CDK5RAP2: variants seen among roughly 807,000 people sequenced by gnomAD.
CDK5RAP2 encodes CDK5 regulatory subunit associated protein 2.
CDK5RAP2 carries 147 observed loss-of-function variants against 232.9 expected under a neutral mutation model. The observed-to-expected ratio is 0.63, with a 90% CI of 0.55 to 0.72. The LOEUF is 0.72. Ranked by LOEUF, CDK5RAP2 falls within the 30% of genes least tolerant of loss-of-function variation. CDK5RAP2 has a pLI of 0.00. For missense variants in CDK5RAP2, 2,195 were observed against 2,231.5 expected, an observed-to-expected ratio of 0.98 and a Z score of 0.33; for synonymous variants, 833 against 833.7, an observed-to-expected ratio of 1.00 and a Z score of 0.01.
At chr9:120,481,561 A>G (rs1588449392) in intron 14 of CDK5RAP2, among the ~76,000 whole-genome samples, 1 of 129,982 alleles carries the variant, frequency 7.7e-6, no homozygotes, top group Non-Finnish European at 1.5e-5. Context: ...CTCCCAGGCT[A>G]GAGTGCAGTG....
intron 5 of CDK5RAP2, among the ~76,000 whole-genome samples, chr9:120,540,075 T>C (rs2041563173): frequency 6.6e-6 from 1 of 152,156 alleles, no homozygotes; most frequent in Non-Finnish European, 1.5e-5. Context: ...TACTCTAACA[T>C]AAAACACAGA....
At chr9:120,529,010 G>T in intron 8 of CDK5RAP2, 1 of 601,046 alleles carries the variant, frequency 1.7e-6, no homozygotes, top group Non-Finnish European at 3.0e-6. Context: ...TACCCTGGTT[G>T]ATCACCAGCC....
At chr9:120,425,245 C>A (rs191685796) in intron 25 of CDK5RAP2, among the ~76,000 whole-genome samples, 1 of 152,202 alleles carries the variant, frequency 6.6e-6, no homozygotes, top group African/African-American at 2.4e-5. Context: ...TGTATTCCAC[C>A]CGTTCCCCTA....
At chr9:120,429,027 T>G (rs1431414180) in intron 25 of CDK5RAP2, among the ~76,000 whole-genome samples, 1 of 152,168 alleles carries the variant, frequency 6.6e-6, no homozygotes, top group Non-Finnish European at 1.5e-5. Context: ...TCTCAATAGA[T>G]GCAGAAAAGG....
At chr9:120,471,400 C>T (rs1355997115) in intron 16 of CDK5RAP2, among the ~76,000 whole-genome samples, 1 of 152,170 alleles carries the variant, frequency 6.6e-6, no homozygotes, top group Non-Finnish European at 1.5e-5. Context: ...GCAATAGGTG[C>T]TGTGGTAGGC....
At chr9:120,460,868 G>A (rs1472627019) in intron 18 of CDK5RAP2, 9 of 773,826 alleles carry the variant, frequency 1.2e-5, no homozygotes, top group East Asian at 8.6e-5. Context: ...AGACACAGCT[G>A]CCTGGATCAA....
rs770085777 is a variant in CDK5RAP2 at position 120,439,393 on chromosome 9, A to C, written c.3722+6T>G. On this transcript the variant is annotated splice_donor_region_variant and intron_variant, in intron 24 of 37. Coordinates refer to ENST00000349780, the MANE Select transcript of CDK5RAP2 (RefSeq NM_018249.6). Reference sequence around the variant, plus strand: ...TAAACGGGGAGACGGCAGAGGTGGAACGTACCTGGGAGGTGAGAGATCTCT... The same window carrying C: ...TAAACGGGGAGACGGCAGAGGTGGACCGTACCTGGGAGGTGAGAGATCTCT... 1 of 1,612,344 alleles carries C rather than the reference A, an allele frequency of 6.2e-7. No individual in the cohort carries two copies. Among genetic ancestry groups the C allele is most frequent in the Non-Finnish European group, 8.5e-7 (1 of 1,178,548 alleles).
chr9:120,578,323 G>A (rs540086838), intron 1 of CDK5RAP2, among the ~76,000 whole-genome samples: 9 of 152,164 alleles, frequency 5.9e-5, no homozygotes, highest in South Asian at 4.2e-4. Flanking sequence ...ACTATTAGAG[G>A]TGCAAAGGAC....
At chr9:120,457,332 T>C (rs547199756) in intron 20 of CDK5RAP2, among the ~76,000 whole-genome samples, 12 of 152,182 alleles carry the variant, frequency 7.9e-5, no homozygotes, top group Non-Finnish European at 1.5e-4. Context: ...GCACTCTCCC[T>C]GGTTCACATC....
At chr9:120,418,192 G>A (rs777832363) in intron 27 of CDK5RAP2, among the ~76,000 whole-genome samples, 5 of 152,158 alleles carry the variant, frequency 3.3e-5, no homozygotes, top group Non-Finnish European at 7.3e-5. Context: ...ATGACTCCAG[G>A]GAGCACTGCC....
At chr9:120,506,285 A>G (rs538409710) in intron 12 of CDK5RAP2, among the ~76,000 whole-genome samples, 20 of 152,352 alleles carry the variant, frequency 1.3e-4, no homozygotes, top group South Asian at 1.0e-3. Flanking sequence ...TGAATATTTC[A>G]AGCCTACTGT....
Position 120,559,457 on chromosome 9 carries a change from A to C in CDK5RAP2, c.196-8555T>G, listed in dbSNP as rs1234122476. ...AGCCGAGATCAGGCCACTGCACTCCAGCCTGGGCAACACAGAGCAAGACTC... is the reference window on the plus strand; with the variant it reads ...AGCCGAGATCAGGCCACTGCACTCCCGCCTGGGCAACACAGAGCAAGACTC... On this transcript the variant is annotated intron_variant, in intron 3 of 37. Coordinates refer to ENST00000349780, the MANE Select transcript of CDK5RAP2 (RefSeq NM_018249.6). 2.0e-5 allele frequency among the ~76,000 whole-genome samples: 3 copies of C among 148,214 alleles called. No homozygotes were observed. In the East Asian group the frequency reaches 6.0e-4, roughly 29 times the overall value.
At chr9:120,521,877 C>G (rs2131863193) in intron 11 of CDK5RAP2, among the ~76,000 whole-genome samples, 1 of 152,174 alleles carries the variant, frequency 6.6e-6, no homozygotes, top group South Asian at 2.1e-4. Flanking sequence ...GATCTCCTGA[C>G]CTCGTGATCC....
intron 25 of CDK5RAP2, among the ~76,000 whole-genome samples, chr9:120,426,712 A>G (rs1336397747): frequency 6.6e-6 from 1 of 152,230 alleles, no homozygotes; most frequent in African/African-American, 2.4e-5. Context: ...TGTTCCCTAC[A>G]AGAGACAGCA....
chr9:120,528,893 C>T (rs776144078), intron 8 of CDK5RAP2, 96 bp from the exon 9 acceptor site: 37 of 833,666 alleles, frequency 4.4e-5, no homozygotes, highest in Non-Finnish European at 6.9e-5. Flanking sequence ...GCTTACTCAC[C>T]TTCCCCCACT....
rs1254346995 is a variant in CDK5RAP2 at position 120,408,565 on chromosome 9, C to T, written c.4605-97G>A. 3.9e-5 allele frequency: 53 copies of T among 1,344,280 alleles called. 1 individual carries two copies. In the East Asian group the frequency reaches 1.2e-3, roughly 31 times the overall value. The allele number at this position is 1,344,280 out of a possible 1,614,324, so 83.3% of individuals were successfully genotyped here. On this transcript the variant is annotated intron_variant, in intron 30 of 37. Coordinates refer to ENST00000349780, the MANE Select transcript of CDK5RAP2 (RefSeq NM_018249.6). The stretch of plus-strand genomic sequence containing the variant: ...AGCAGGCCAATTCCACCCTCAGTCA[C>T]AAGAGTGTGGACCAAGAAGTGACAA...
chr9:120,474,408 C>G (rs1017959251), intron 15 of CDK5RAP2, among the ~76,000 whole-genome samples: 2 of 152,148 alleles, frequency 1.3e-5, no homozygotes, highest in Non-Finnish European at 2.9e-5. Flanking sequence ...ATGGGAGGAT[C>G]AGGTGTGCCG....
intron 14 of CDK5RAP2, among the ~76,000 whole-genome samples, chr9:120,478,005 C>T (rs1035819362): frequency 7.9e-5 from 12 of 152,194 alleles, no homozygotes; most frequent in African/African-American, 2.9e-4. Context: ...CTTAACAAAA[C>T]TCTATGAGCT....
intron 22 of CDK5RAP2, among the ~76,000 whole-genome samples, chr9:120,445,907 T>C (rs1198968583): frequency 1.3e-5 from 2 of 152,170 alleles, no homozygotes; most frequent in Non-Finnish European, 2.9e-5. Context: ...TCAACAGGCA[T>C]CTCGAGTATG....
Sources: allele counts gnomAD v4.1 joint callset (sites outside exome capture counted in the v4.1 genomes callset), GRCh38; gene constraint gnomAD v4.1.1; transcripts MANE v1.5; gene names NCBI Gene and HGNC (gene_info 2026-07-23, HGNC 2026-07-21).